FAM153A: variants seen among roughly 807,000 people sequenced by gnomAD.
The protein encoded by FAM153A is protein FAM153A.
FAM153A carries 12 observed loss-of-function variants against 48.1 expected under a neutral mutation model. That is an observed-to-expected ratio of 0.25 (90% CI 0.16 to 0.40). The LOEUF is 0.40. Among genes scored for constraint, FAM153A ranks in the 10% least tolerant of loss-of-function variants. The pLI, the probability that FAM153A is intolerant of heterozygous loss-of-function variation, is 1.00. For missense variants in FAM153A, 111 were observed against 345.8 expected, an observed-to-expected ratio of 0.32 and a Z score of 5.38; for synonymous variants, 36 against 118.2, an observed-to-expected ratio of 0.30 and a Z score of 4.51.
Position 177,734,942 on chromosome 5 carries a change from A to T in FAM153A, c.665-9T>A. 6.5e-7 allele frequency: 1 copy of T among 1,530,450 alleles called. No individual in the cohort carries two copies. The highest frequency in any genetic ancestry group is 8.9e-7 in the Non-Finnish European group (1 of 1,128,546). 94.8% of individuals were successfully genotyped at this position (1,530,450 alleles called of 1,614,324 possible). Reference sequence around the variant, plus strand: ...TACATCCCTGATCAGAACTAGGAGGATACAAAGTGACCATCAGCACCTTGG... The same window carrying T: ...TACATCCCTGATCAGAACTAGGAGGTTACAAAGTGACCATCAGCACCTTGG... On this transcript the variant is annotated splice_polypyrimidine_tract_variant and intron_variant, in intron 12 of 20. Coordinates refer to ENST00000614127, the Ensembl canonical transcript of FAM153A.
rs1252736663 is a variant in FAM153A, at chr5:177,772,279, C to G, written c.-57+8170G>C. Among the ~76,000 whole-genome samples, 2 of 92,904 alleles carry G rather than the reference C, an allele frequency of 2.2e-5. 1 individual carries two copies. Among genetic ancestry groups the G allele is most frequent in the African/African-American group, 8.6e-5 (2 of 23,138 alleles). The allele number at this position is 92,904 out of a possible 152,430, so 60.9% of individuals were successfully genotyped here. On this transcript the variant is annotated intron_variant, in intron 1 of 8. Transcript: ENST00000393518. ...AGCCAAGATGGCCGAATAGGAACAG[C>G]TCCGGTCTACAGCTCCCAGCGTGAG...
At chr5:177,698,018 G>C in the FAM153A span, among the ~76,000 whole-genome samples, 1 of 150,998 alleles carries the variant, frequency 6.6e-6, no homozygotes, top group Admixed American at 6.6e-5. Context: ...GCAGCTTTTT[G>C]TTTGGGAAGT....
At chr5:177,722,146 T>TTTG (rs1491368968), downstream of FAM153A, 1 of 139,896 alleles carries the variant, frequency 7.1e-6, no homozygotes, top group African/African-American at 2.7e-5. Context: ...TTTTTTTTTT[T>TTTG]GAGACAAAGT....
At chr5:177,749,225 C>A (rs1305324879) in intron 2 of FAM153A, among the ~76,000 whole-genome samples, 3 of 151,658 alleles carry the variant, frequency 2.0e-5, no homozygotes, top group African/African-American at 4.9e-5. Context: ...TAAATGTAAT[C>A]CAAATCCAGA....
At chr5:177,697,023 C>G in the FAM153A span, among the ~76,000 whole-genome samples, 4 of 151,878 alleles carry the variant, frequency 2.6e-5, no homozygotes, top group Non-Finnish European at 1.5e-5. Context: ...AGCTATAGAT[C>G]AATTTGGGGA....
At chr5:177,712,253 C>T (rs1234506827) in exon 27 of FAM153A, 1 of 151,864 alleles carries the variant, frequency 6.6e-6, no homozygotes, top group Non-Finnish European at 1.5e-5. Flanking sequence ...GGGCAGATCA[C>T]CTGAGGTCAG....
At chr5:177,702,048 C>T in the FAM153A span, among the ~76,000 whole-genome samples, 2 of 151,666 alleles carry the variant, frequency 1.3e-5, no homozygotes, top group Non-Finnish European at 2.9e-5. Flanking sequence ...GCTGGGACTA[C>T]AGGCGCCCGC....
rs1763529437 is a variant in FAM153A, at chr5:177,730,125, TCTTCCACTCTCC to T, written c.863-582_863-571del. On this transcript the variant is annotated intron_variant, in intron 16 of 20. Coordinates refer to ENST00000614127, the Ensembl canonical transcript of FAM153A. ...CCCCTACTTAGCATGTGGTATTTGT[TCTTCCACTCTCC>T]CTTTTCAACAGAATTTGTGTGCACC... Among the ~76,000 whole-genome samples, 2 of 107,374 alleles carry T rather than the reference TCTTCCACTCTCC, an allele frequency of 1.9e-5. 1 individual carries two copies. The highest frequency in any genetic ancestry group is 2.1e-4 in the Admixed American group (2 of 9,552). The allele number at this position is 107,374 out of a possible 152,430, so 70.4% of individuals were successfully genotyped here. A position where few individuals can be genotyped will look rare whatever the true frequency, so the allele number is the denominator to read the frequency against.
At chr5:177,759,803 G>C (rs564812035) in intron 1 of FAM153A, among the ~76,000 whole-genome samples, 1 of 150,790 alleles carries the variant, frequency 6.6e-6, no homozygotes, top group South Asian at 2.1e-4. Flanking sequence ...ATCACACACC[G>C]GGGCCTGTTG....
chr5:177,755,817 C>A (rs9800063), upstream of FAM153A, among the ~76,000 whole-genome samples: 39,234 of 143,024 alleles, frequency 0.27, 6,099 homozygotes, highest in African/African-American at 0.42. Flanking sequence ...GCCTGCCCTA[C>A]AAGAGCTCCT....
Position 177,760,175 on chromosome 5 carries a change from A to C in FAM153A, c.-56-11476T>G, listed in dbSNP as rs1475289261. Among the ~76,000 whole-genome samples, 2 of 149,268 alleles carry C rather than the reference A, an allele frequency of 1.3e-5. 1 individual carries two copies. The highest frequency in any genetic ancestry group is 5.0e-5 in the African/African-American group (2 of 39,816). On this transcript the variant is annotated intron_variant, in intron 1 of 8. Coordinates refer to the FAM153A transcript ENST00000393518. The stretch of plus-strand genomic sequence containing the variant: ...CACATATATGAGAGAGAGTGAGAAA[A>C]CTCAATTAAAAAATACCAGACCACA...
At chr5:177,758,055 T>C (rs1176372454), upstream of FAM153A, among the ~76,000 whole-genome samples, 1 of 150,698 alleles carries the variant, frequency 6.6e-6, no homozygotes, top group African/African-American at 2.4e-5. Context: ...GCAAATGACA[T>C]GATTGTATAT....
Position 177,748,710 on chromosome 5 carries a change from CAG to C in FAM153A, c.176-13_176-12del. On this transcript the variant is annotated splice_polypyrimidine_tract_variant and intron_variant, in intron 2 of 20. Coordinates refer to ENST00000614127, the Ensembl canonical transcript of FAM153A. ...GGTCCTCATCGTAATCTAGGAAACACAGAGTAACTGTCATCATGTTGGTTCCA... is the reference window on the plus strand; with the variant it reads ...GGTCCTCATCGTAATCTAGGAAACACAGTAACTGTCATCATGTTGGTTCCA... 3.5e-6 allele frequency: 2 copies of C among 573,384 alleles called. No individual in the cohort carries two copies. Among genetic ancestry groups the C allele is most frequent in the South Asian group, 2.0e-5 (1 of 50,212 alleles). The allele number at this position is 573,384 out of a possible 1,614,324, so 35.5% of individuals were successfully genotyped here. A position where few individuals can be genotyped will look rare whatever the true frequency, so the allele number is the denominator to read the frequency against.
chr5:177,702,043 G>A, the FAM153A span, among the ~76,000 whole-genome samples: 1 of 151,632 alleles, frequency 6.6e-6, no homozygotes, highest in Non-Finnish European at 1.5e-5. Flanking sequence ...GAGTAGCTGG[G>A]ACTACAGGCG....
At chr5:177,699,664 G>A in the FAM153A span, among the ~76,000 whole-genome samples, 2 of 152,382 alleles carry the variant, frequency 1.3e-5, no homozygotes, top group African/African-American at 4.8e-5. Flanking sequence ...AAGAAGAAGT[G>A]GAAAATCTGA....
At chr5:177,729,523 C>T in exon 17 of FAM153A, 1 of 1,608,872 alleles carries the variant, frequency 6.2e-7, no homozygotes, top group Non-Finnish European at 8.5e-7. Context: ...ACTGTCTGCT[C>T]TGGCACATGC....
At chr5:177,715,080 A>G (rs1696858) in intron 25 of FAM153A, among the ~76,000 whole-genome samples, 56,582 of 136,692 alleles carry the variant, frequency 0.41, 12,922 homozygotes, top group South Asian at 0.51. Context: ...AAAGGATGTC[A>G]ACAAAACTGT....
chr5:177,703,257 A>C (rs1469254006), downstream of FAM153A, among the ~76,000 whole-genome samples: 1 of 151,960 alleles, frequency 6.6e-6, no homozygotes, highest in Non-Finnish European at 1.5e-5. Flanking sequence ...CATGGAGTCA[A>C]AGGAGATTAT....
At chr5:177,715,512 A>G (rs2127565283) in intron 25 of FAM153A, among the ~76,000 whole-genome samples, 1 of 151,382 alleles carries the variant, frequency 6.6e-6, no homozygotes, top group African/African-American at 2.4e-5. Flanking sequence ...TGACCTACAG[A>G]TAGGAATTTT....
Sources: gnomAD v4.1 joint callset for allele counts (sites outside exome capture counted in the v4.1 genomes callset) on GRCh38, gnomAD v4.1.1 for gene constraint, MANE v1.5 for transcripts, NCBI Gene and HGNC (gene_info 2026-07-23, HGNC 2026-07-21) for gene names.